The following LHFPL6 variants were observed in gnomAD, a reference collection of about 807,000 sequenced individuals.
The protein encoded by LHFPL6 is LHFPL tetraspan subfamily member 6, also known as LHFPL tetraspan subfamily member 6 protein.
In LHFPL6, 9 loss-of-function variants were observed where a neutral mutation model predicts 20.6. That is an observed-to-expected ratio of 0.44 (90% CI 0.26 to 0.76). The LOEUF (loss-of-function observed/expected upper bound fraction) is 0.76. Ranked by LOEUF, LHFPL6 falls within the 30% of genes least tolerant of loss-of-function variation. The probability of loss-of-function intolerance (pLI) is 0.20; values close to 1 mark genes in which losing one functional copy is unlikely to be tolerated. For synonymous variants in LHFPL6, 105 were observed against 98.7 expected (o/e 1.06, Z -0.38); for missense variants, 218 against 253.5 (o/e 0.86, Z 0.95).
intron 2 of LHFPL6, among the ~76,000 whole-genome samples, chr13:39,518,033 CT>C (rs1468738998): frequency 1.3e-5 from 2 of 152,176 alleles, no homozygotes; most frequent in Non-Finnish European, 2.9e-5. Context: ...CCTTCCCTTC[CT>C]CTAATTCATC....
intron 2 of LHFPL6, among the ~76,000 whole-genome samples, chr13:39,571,674 C>A (rs1176056068): frequency 6.6e-6 from 1 of 152,226 alleles, no homozygotes; most frequent in East Asian, 1.9e-4. Flanking sequence ...CCCTTGACGG[C>A]GGAGGGCAGC....
intron 2 of LHFPL6, among the ~76,000 whole-genome samples, chr13:39,383,624 T>C (rs1428002202): frequency 3.9e-5 from 6 of 152,212 alleles, no homozygotes; most frequent in Non-Finnish European, 8.8e-5. Context: ...TTCTTAGGCC[T>C]TAAGCCTGAT....
chr13:39,567,780 C>T (rs1019430145), intron 2 of LHFPL6, among the ~76,000 whole-genome samples: 1 of 152,234 alleles, frequency 6.6e-6, no homozygotes. Context: ...AGGCTAAATG[C>T]TGCCCACAGC....
chr13:39,402,270 G>GCT (rs1205415971), intron 2 of LHFPL6, among the ~76,000 whole-genome samples: 1 of 151,994 alleles, frequency 6.6e-6, no homozygotes, highest in Non-Finnish European at 1.5e-5. Context: ...TGTCACCCAG[G>GCT]CTGGAGTGCA....
At chr13:39,506,207 TA>T (rs760478428) in intron 2 of LHFPL6, among the ~76,000 whole-genome samples, 1 of 152,182 alleles carries the variant, frequency 6.6e-6, no homozygotes, top group Non-Finnish European at 1.5e-5. Context: ...TCTGTGGACG[TA>T]ATATTCTGTG....
intron 2 of LHFPL6, among the ~76,000 whole-genome samples, chr13:39,427,329 T>C (rs1342696237): frequency 6.6e-6 from 1 of 152,180 alleles, no homozygotes; most frequent in African/African-American, 2.4e-5. Context: ...TAATGAAAGA[T>C]AGAGAGGACA....
chr13:39,374,555 A>G (rs1252742902), intron 3 of LHFPL6, among the ~76,000 whole-genome samples: 1 of 152,224 alleles, frequency 6.6e-6, no homozygotes, highest in Admixed American at 6.5e-5. Context: ...ATAAAAAAAA[A>G]AAAGTTCTAT....
chr13:39,439,098 T>C (rs1872045013), intron 2 of LHFPL6, among the ~76,000 whole-genome samples: 1 of 152,170 alleles, frequency 6.6e-6, no homozygotes, highest in Non-Finnish European at 1.5e-5. Context: ...AAAGACTCAA[T>C]GGCAAACCTT....
At position 39,354,273 on chromosome 13, in the gene LHFPL6, C is replaced by T. The variant is rs550044009; in HGVS notation, c.485-10219G>A. On this transcript the variant is annotated intron_variant, in intron 3 of 3. Transcript: ENST00000379589. ...AGGAATCTAGCCACAAATAAAGATC[C>T]TGCACAGAGTCTTGGGCCTCTGAAA... 5.9e-5 allele frequency among the ~76,000 whole-genome samples: 9 copies of T among 152,142 alleles called. No homozygotes were observed. In the South Asian group the frequency reaches 8.3e-4, roughly 14 times the overall value.
At chr13:39,416,712 C>T (rs971729839) in intron 2 of LHFPL6, among the ~76,000 whole-genome samples, 1 of 152,156 alleles carries the variant, frequency 6.6e-6, no homozygotes, top group African/African-American at 2.4e-5. Context: ...AAATCAAATA[C>T]AGGAAAGTTA....
intron 2 of LHFPL6, among the ~76,000 whole-genome samples, chr13:39,539,733 C>A (rs1870738256): frequency 6.6e-6 from 1 of 152,102 alleles, no homozygotes. Flanking sequence ...ATGAGCAATC[C>A]TTTAAGAATG....
rs373664686 is a variant in LHFPL6, at chr13:39,576,840, G to A, written c.385+23992C>T. Among the ~76,000 whole-genome samples the A allele has an allele frequency of 3.6e-4, 54 of 152,074 alleles. 1 individual carries two copies. The highest frequency in any genetic ancestry group is 3.3e-3 in the Admixed American group (50 of 15,278). On this transcript the variant is annotated intron_variant, in intron 2 of 3. Coordinates refer to ENST00000379589, the MANE Select transcript of LHFPL6 (RefSeq NM_005780.3). The stretch of plus-strand genomic sequence containing the variant: ...TTTTCTAGAGACAATGTCTCATTAC[G>A]TTGCTTGGGCTCTTAATAATTTTTG...
chr13:39,365,603 C>A (rs1869990293), intron 3 of LHFPL6, among the ~76,000 whole-genome samples: 1 of 152,126 alleles, frequency 6.6e-6, no homozygotes, highest in African/African-American at 2.4e-5. Context: ...ATAATGAAAG[C>A]AAGTCTCGGA....
intron 2 of LHFPL6, among the ~76,000 whole-genome samples, chr13:39,413,595 T>C (rs1473463277): frequency 1.1e-3 from 41 of 35,774 alleles, no homozygotes; most frequent in African/African-American, 1.7e-3. Flanking sequence ...GTTTTTTTTT[T>C]TTTTTTCTTT....
At chr13:39,347,292 C>T (rs1315579365) in intron 3 of LHFPL6, among the ~76,000 whole-genome samples, 1 of 152,140 alleles carries the variant, frequency 6.6e-6, no homozygotes, top group Non-Finnish European at 1.5e-5. Flanking sequence ...TCCTTCCACC[C>T]AGAAATTCTA....
chr13:39,543,477 G>A (rs9566455), intron 2 of LHFPL6, among the ~76,000 whole-genome samples: 14,629 of 152,130 alleles, frequency 0.096, 861 homozygotes, highest in East Asian at 0.29. Context: ...ATTAACAGCC[G>A]TTTATTAGTG....
intron 2 of LHFPL6, among the ~76,000 whole-genome samples, chr13:39,396,458 G>A (rs886395475): frequency 6.6e-6 from 1 of 152,198 alleles, no homozygotes; most frequent in Non-Finnish European, 1.5e-5. Context: ...AGATCATACT[G>A]GAGTAGGGTA....
chr13:39,476,599 G>T (rs1198958051), intron 2 of LHFPL6, among the ~76,000 whole-genome samples: 5 of 152,000 alleles, frequency 3.3e-5, no homozygotes. Context: ...CTGAATTAAG[G>T]GCAAAGTGCA....
chr13:39,445,105 C>G (rs1259948328), intron 2 of LHFPL6, among the ~76,000 whole-genome samples: 2 of 152,194 alleles, frequency 1.3e-5, no homozygotes, highest in African/African-American at 4.8e-5. Flanking sequence ...ATGCTTTCAG[C>G]CTTATTACGA....
Sources: gnomAD v4.1 joint callset for allele counts (sites outside exome capture counted in the v4.1 genomes callset) on GRCh38, gnomAD v4.1.1 for gene constraint, MANE v1.5 for transcripts, NCBI Gene and HGNC (gene_info 2026-07-23, HGNC 2026-07-21) for gene names.